LRRC4C: variants seen among roughly 807,000 people sequenced by gnomAD.
LRRC4C encodes leucine-rich repeat-containing protein 4C.
LRRC4C carries 5 observed loss-of-function variants against 33.6 expected under a neutral mutation model. That is an observed-to-expected ratio of 0.15 (90% CI 0.08 to 0.31). The LOEUF is 0.31. Ranked by LOEUF, LRRC4C falls within the 10% of genes least tolerant of loss-of-function variation. The pLI is 1.00. For missense variants in LRRC4C, 560 were observed against 796.7 expected, an observed-to-expected ratio of 0.70 and a Z score of 3.58; for synonymous variants, 329 against 302.0, an observed-to-expected ratio of 1.09 and a Z score of -0.93.
chr11:41,352,612 C>G (rs546852662), intron 1 of LRRC4C, among the ~76,000 whole-genome samples: 3 of 152,128 alleles, frequency 2.0e-5, no homozygotes, highest in African/African-American at 7.2e-5. Flanking sequence ...ATCAAACACA[C>G]TCAGCCATAA....
At chr11:40,323,157 A>G (rs779071737) in intron 3 of LRRC4C, among the ~76,000 whole-genome samples, 5 of 152,174 alleles carry the variant, frequency 3.3e-5, no homozygotes, top group Non-Finnish European at 5.9e-5. Flanking sequence ...AGAAGTTCTC[A>G]TAGCTTCTCA....
At chr11:40,541,315 C>A (rs1297147569) in intron 3 of LRRC4C, among the ~76,000 whole-genome samples, 2 of 152,076 alleles carry the variant, frequency 1.3e-5, no homozygotes, top group Non-Finnish European at 2.9e-5. Flanking sequence ...CTTTCTTGCC[C>A]AGGCTGGTCT....
chr11:41,360,272 ATGG>A (rs1470617009), intron 1 of LRRC4C, among the ~76,000 whole-genome samples: 14 of 152,214 alleles, frequency 9.2e-5, no homozygotes, highest in Non-Finnish European at 2.9e-5. Flanking sequence ...GCTAGTTAGC[ATGG>A]TGTACACTGA....
chr11:40,742,248 G>A (rs1948193848), intron 2 of LRRC4C, among the ~76,000 whole-genome samples: 1 of 152,020 alleles, frequency 6.6e-6, no homozygotes, highest in East Asian at 1.9e-4. Flanking sequence ...ATAGCATCTA[G>A]TAGAGTTAGA....
rs190232866 is a variant in LRRC4C, at chr11:40,581,456, G to T, written c.-270+66686C>A. On this transcript the variant is annotated intron_variant, in intron 3 of 6. Coordinates refer to ENST00000528697, the MANE Select transcript of LRRC4C (RefSeq NM_001258419.2). ...CCTCGCTCATGTTCTTAGCAGGGTT[G>T]CAGCTCATTCTTTTTCTTTGTTTTG... Among the ~76,000 whole-genome samples, 631 of 152,272 alleles carry T rather than the reference G, an allele frequency of 4.1e-3. 6 individuals are homozygous for T. Among genetic ancestry groups the T allele is most frequent in the African/African-American group, 0.015 (609 of 41,544 alleles).
rs1255397568 is a variant in LRRC4C at position 40,722,006 on chromosome 11, C to A, written c.-406-73728G>T. On this transcript the variant is annotated intron_variant, in intron 2 of 6. Coordinates refer to ENST00000528697, the MANE Select transcript of LRRC4C (RefSeq NM_001258419.2). ...ATAACATCACTGTTCAAACTGAGTT[C>A]TCAGAGAATAGTGGAAGAAAGGAGG... Among the ~76,000 whole-genome samples the A allele has an allele frequency of 2.6e-5, 4 of 151,912 alleles. No homozygotes were observed. In the East Asian group the frequency reaches 5.8e-4, roughly 22 times the overall value.
intron 6 of LRRC4C, among the ~76,000 whole-genome samples, chr11:40,133,068 T>G (rs1413276605): frequency 6.6e-6 from 1 of 152,202 alleles, no homozygotes; most frequent in African/African-American, 2.4e-5. Context: ...GAGAAGGATG[T>G]GATTTCAGTA....
At chr11:41,101,944 A>T (rs770339573) in intron 1 of LRRC4C, among the ~76,000 whole-genome samples, 2 of 152,222 alleles carry the variant, frequency 1.3e-5, no homozygotes, top group South Asian at 2.1e-4. Context: ...GAACACAATG[A>T]CACAAAGAGG....
intron 2 of LRRC4C, among the ~76,000 whole-genome samples, chr11:40,917,044 A>G (rs1431455241): frequency 2.0e-5 from 3 of 152,196 alleles, no homozygotes; most frequent in Non-Finnish European, 4.4e-5. Context: ...TACATATACA[A>G]TCACAAACTT....
chr11:40,837,037 G>T (rs1952702980), intron 2 of LRRC4C, among the ~76,000 whole-genome samples: 1 of 152,048 alleles, frequency 6.6e-6, no homozygotes, highest in Non-Finnish European at 1.5e-5. Flanking sequence ...AAAGAACGGT[G>T]TTAAAATCGG....
chr11:40,631,098 T>G (rs567872467), intron 3 of LRRC4C, among the ~76,000 whole-genome samples: 2 of 152,332 alleles, frequency 1.3e-5, no homozygotes, highest in Admixed American at 1.3e-4. Flanking sequence ...TCCTAATTCA[T>G]CTCCTGAATG....
At chr11:41,221,455 G>A (rs1590975379) in intron 1 of LRRC4C, among the ~76,000 whole-genome samples, 1 of 152,234 alleles carries the variant, frequency 6.6e-6, no homozygotes, top group African/African-American at 2.4e-5. Flanking sequence ...GTTTATGGGA[G>A]TGTAAATTAG....
chr11:40,188,111 TAAGAA>T (rs1861553347), intron 5 of LRRC4C, among the ~76,000 whole-genome samples: 1 of 152,206 alleles, frequency 6.6e-6, no homozygotes, highest in Non-Finnish European at 1.5e-5. Flanking sequence ...CCTGAAGCAT[TAAGAA>T]GACAGTTTTA....
At chr11:40,195,869 T>C (rs1309083416) in intron 5 of LRRC4C, among the ~76,000 whole-genome samples, 2 of 152,088 alleles carry the variant, frequency 1.3e-5, no homozygotes, top group African/African-American at 4.8e-5. Flanking sequence ...ACTGTGAAAA[T>C]ATGAAGTATT....
chr11:40,138,237 A>ATG (rs1857124301), intron 6 of LRRC4C, among the ~76,000 whole-genome samples: 1 of 151,428 alleles, frequency 6.6e-6, no homozygotes, highest in Non-Finnish European at 1.5e-5. Flanking sequence ...GTGCAATCAT[A>ATG]GCTCACTGTA....
chr11:40,945,299 C>G (rs1444167645), intron 1 of LRRC4C, among the ~76,000 whole-genome samples: 1 of 152,068 alleles, frequency 6.6e-6, no homozygotes, highest in East Asian at 1.9e-4. Flanking sequence ...GGATTACAGG[C>G]TTGAGCCACC....
chr11:40,900,196 T>A (rs10219385), intron 2 of LRRC4C, among the ~76,000 whole-genome samples: 5,262 of 152,254 alleles, frequency 0.035, 108 homozygotes, highest in Middle Eastern at 0.058. Flanking sequence ...AAAATTATAA[T>A]GTATTTTCCA....
chr11:40,741,383 T>G (rs1464111542), intron 2 of LRRC4C, among the ~76,000 whole-genome samples: 1 of 152,012 alleles, frequency 6.6e-6, no homozygotes, highest in Non-Finnish European at 1.5e-5. Context: ...AGACTTGAAG[T>G]CTTCAATTCC....
intron 3 of LRRC4C, among the ~76,000 whole-genome samples, chr11:40,590,380 T>G (rs1958982749): frequency 6.9e-6 from 1 of 145,228 alleles, no homozygotes; most frequent in Non-Finnish European, 1.5e-5. Flanking sequence ...TACATTCTTC[T>G]AAATTTTTTT....
Sources: allele counts gnomAD v4.1 joint callset (sites outside exome capture counted in the v4.1 genomes callset), GRCh38; gene constraint gnomAD v4.1.1; transcripts MANE v1.5; gene names NCBI Gene and HGNC (gene_info 2026-07-23, HGNC 2026-07-21).